The following CNTNAP4 variants were observed in gnomAD, a reference collection of about 807,000 sequenced individuals.
CNTNAP4 encodes the protein contactin-associated protein-like 4.
In CNTNAP4, 98 loss-of-function variants were observed where a neutral mutation model predicts 148.4. That is an observed-to-expected ratio of 0.66 (90% CI 0.56 to 0.78). The LOEUF (loss-of-function observed/expected upper bound fraction) is 0.78. Ranked by LOEUF, CNTNAP4 falls within the 30% of genes least tolerant of loss-of-function variation. The probability of loss-of-function intolerance (pLI) is 0.00; values close to 1 mark genes in which losing one functional copy is unlikely to be tolerated. For missense variants in CNTNAP4, 1,935 were observed against 1,565.6 expected, an observed-to-expected ratio of 1.24 and a Z score of -3.98; for synonymous variants, 730 against 565.1, an observed-to-expected ratio of 1.29 and a Z score of -4.14.
chr16:76,464,256 A>G (rs892455603), intron 9 of CNTNAP4, among the ~76,000 whole-genome samples: 1 of 152,152 alleles, frequency 6.6e-6, no homozygotes, highest in Admixed American at 6.5e-5. Context: ...AAGTGGACAC[A>G]TCATCTTTTC....
chr16:76,515,066 C>T (rs1453130328), intron 15 of CNTNAP4, among the ~76,000 whole-genome samples: 1 of 152,054 alleles, frequency 6.6e-6, no homozygotes, highest in African/African-American at 2.4e-5. Flanking sequence ...AAAGCACAAT[C>T]CGTAAAAGGC....
At chr16:76,345,639 T>G (rs1340758085) in intron 2 of CNTNAP4, among the ~76,000 whole-genome samples, 1 of 152,168 alleles carries the variant, frequency 6.6e-6, no homozygotes, top group East Asian at 1.9e-4. Flanking sequence ...GTTAGGCTCC[T>G]ACCCTCCCAC....
chr16:76,444,906 G>A (rs1418938210), intron 4 of CNTNAP4, among the ~76,000 whole-genome samples: 2 of 152,058 alleles, frequency 1.3e-5, no homozygotes, highest in East Asian at 1.9e-4. Flanking sequence ...TCTGTGATGC[G>A]ACTGTAGCCA....
chr16:76,352,223 C>T (rs1478680913), intron 2 of CNTNAP4, among the ~76,000 whole-genome samples: 2 of 152,128 alleles, frequency 1.3e-5, no homozygotes, highest in Non-Finnish European at 2.9e-5. Context: ...GTACCAGACC[C>T]TAGAAGTCTT....
In CNTNAP4 at chr16:76,291,818, C is replaced by T. The variant is rs1408639083; in HGVS notation, c.85+14071C>T. ...TTTTAAATTTGTAGGATGCCCTCCA[C>T]GAATTGAGAACTGGGACAGATGCTT... On this transcript the variant is annotated intron_variant, in intron 1 of 23. Transcript: ENST00000611870. 3.3e-5 allele frequency among the ~76,000 whole-genome samples: 5 copies of T among 152,306 alleles called. No homozygotes were observed. The South Asian group carries it at 6.2e-4, about 19-fold the overall frequency.
At chr16:76,328,743 T>A (rs1963243077) in intron 2 of CNTNAP4, among the ~76,000 whole-genome samples, 1 of 152,122 alleles carries the variant, frequency 6.6e-6, no homozygotes, top group Admixed American at 6.5e-5. Flanking sequence ...CCTCCCAGGT[T>A]CAAGTGATTC....
At chr16:76,300,408 G>A (rs73619298) in intron 1 of CNTNAP4, among the ~76,000 whole-genome samples, 112 of 152,142 alleles carry the variant, frequency 7.4e-4, no homozygotes, top group African/African-American at 2.6e-3. Flanking sequence ...TCGGGGTTGG[G>A]GTCTAGGGGA....
chr16:76,421,363 A>G (rs2079182323), intron 3 of CNTNAP4, among the ~76,000 whole-genome samples: 1 of 152,072 alleles, frequency 6.6e-6, no homozygotes, highest in African/African-American at 2.4e-5. Context: ...TTAACATTCT[A>G]ATTTGATTAG....
chr16:76,308,718 C>A (rs139693005), intron 1 of CNTNAP4, among the ~76,000 whole-genome samples: 92 of 152,364 alleles, frequency 6.0e-4, no homozygotes, highest in Middle Eastern at 3.4e-3. Flanking sequence ...AATTTGACAT[C>A]TCCCCGAGGT....
intron 7 of CNTNAP4, 96 bp from the exon 8 acceptor site, chr16:76,452,412 C>G (rs932316092): frequency 5.3e-5 from 66 of 1,238,994 alleles, no homozygotes; most frequent in Non-Finnish European, 7.3e-5. Flanking sequence ...TGTTTTAAAT[C>G]GCGGATAATG....
intron 4 of CNTNAP4, among the ~76,000 whole-genome samples, chr16:76,434,088 ATATC>A (rs1265358578): frequency 1.1e-4 from 16 of 149,496 alleles, no homozygotes; most frequent in East Asian, 3.9e-4. Flanking sequence ...AAAGGGATAT[ATATC>A]TAATAAGATA....
chr16:76,379,843 C>G (rs971967867), intron 3 of CNTNAP4, among the ~76,000 whole-genome samples: 1 of 152,174 alleles, frequency 6.6e-6, no homozygotes, highest in Non-Finnish European at 1.5e-5. Context: ...GCTTCCTGTT[C>G]TGTTCCTGGG....
intron 3 of CNTNAP4, among the ~76,000 whole-genome samples, chr16:76,356,084 A>G (rs999566780): frequency 6.6e-6 from 1 of 151,874 alleles, no homozygotes; most frequent in African/African-American, 2.4e-5. Context: ...CATGTTGGCC[A>G]GGCTGGACTC....
intron 3 of CNTNAP4, among the ~76,000 whole-genome samples, chr16:76,418,619 G>C (rs1438505537): frequency 6.6e-6 from 1 of 151,442 alleles, no homozygotes; most frequent in East Asian, 1.9e-4. Flanking sequence ...TTTTCCATTA[G>C]ACCCCTTAGC....
chr16:76,395,663 C>T (rs2078176944), intron 3 of CNTNAP4, among the ~76,000 whole-genome samples: 1 of 151,950 alleles, frequency 6.6e-6, no homozygotes. Context: ...CACCATTAGG[C>T]AGTTCTATTT....
At chr16:76,289,417 C>G (rs974004735) in intron 1 of CNTNAP4, among the ~76,000 whole-genome samples, 1 of 152,040 alleles carries the variant, frequency 6.6e-6, no homozygotes, top group Admixed American at 6.6e-5. Context: ...AAAATTCATT[C>G]TCTATTTTTT....
At chr16:76,513,473 C>T (rs916167181) in intron 15 of CNTNAP4, among the ~76,000 whole-genome samples, 3 of 152,152 alleles carry the variant, frequency 2.0e-5, no homozygotes, top group Non-Finnish European at 2.9e-5. Context: ...TGTTTATACA[C>T]AGTCCCACAT....
intron 1 of CNTNAP4, among the ~76,000 whole-genome samples, chr16:76,290,076 C>A (rs1959052461): frequency 6.6e-6 from 1 of 152,116 alleles, no homozygotes; most frequent in Non-Finnish European, 1.5e-5. Context: ...GCAGTGGGCT[C>A]TGTGGACTCC....
At chr16:76,526,270 A>G (rs942744342) in intron 17 of CNTNAP4, among the ~76,000 whole-genome samples, 22 of 152,104 alleles carry the variant, frequency 1.4e-4, no homozygotes, top group Admixed American at 9.2e-4. Context: ...GATTCAAGGA[A>G]CAAGGAAAAA....
Sources: gnomAD v4.1 joint callset for allele counts (sites outside exome capture counted in the v4.1 genomes callset) on GRCh38, gnomAD v4.1.1 for gene constraint, MANE v1.5 for transcripts, NCBI Gene and HGNC (gene_info 2026-07-23, HGNC 2026-07-21) for gene names.